The following CDK6 variants were observed in gnomAD, a reference collection of about 807,000 sequenced individuals.
CDK6 encodes cyclin-dependent kinase 6.
A neutral mutation model predicts 37.1 loss-of-function variants in CDK6; 6 were observed. The ratio of observed to expected loss-of-function variants is 0.16; its 90% CI spans 0.09 to 0.32. The LOEUF is 0.32. CDK6 is among the 10% of genes least tolerant of loss of function. The pLI is 1.00. For missense variants in CDK6, 224 were observed against 418.9 expected, an observed-to-expected ratio of 0.53 and a Z score of 4.06; for synonymous variants, 160 against 161.3, an observed-to-expected ratio of 0.99 and a Z score of 0.06.
At chr7:92,657,140 T>TA (rs1164930895) in intron 5 of CDK6, among the ~76,000 whole-genome samples, 4 of 152,108 alleles carry the variant, frequency 2.6e-5, no homozygotes, top group Non-Finnish European at 2.9e-5. Context: ...ATGTATAAAA[T>TA]AGTGACTGTC....
At chr7:92,715,340 C>T (rs1418136826) in intron 4 of CDK6, among the ~76,000 whole-genome samples, 2 of 152,044 alleles carry the variant, frequency 1.3e-5, no homozygotes, top group African/African-American at 4.8e-5. Flanking sequence ...GTTAAATTTA[C>T]AGCCCCATTT....
chr7:92,706,842 T>C (rs1797978792), intron 4 of CDK6, among the ~76,000 whole-genome samples: 2 of 152,248 alleles, frequency 1.3e-5, no homozygotes. Context: ...ATTTGTGCAT[T>C]CAATTTCCTG....
chr7:92,649,174 G>A (rs1796513641), intron 5 of CDK6, among the ~76,000 whole-genome samples: 2 of 152,126 alleles, frequency 1.3e-5, no homozygotes, highest in South Asian at 2.1e-4. Flanking sequence ...CTTTAAGCTC[G>A]TGTTTCCCAA....
chr7:92,773,104 T>C (rs777217413), intron 3 of CDK6, among the ~76,000 whole-genome samples: 71 of 152,362 alleles, frequency 4.7e-4, no homozygotes, highest in South Asian at 1.4e-3. Flanking sequence ...CAATGTGTCT[T>C]ATTTACTTTG....
At chr7:92,749,016 T>C (rs1043853784) in intron 3 of CDK6, among the ~76,000 whole-genome samples, 12 of 152,070 alleles carry the variant, frequency 7.9e-5, no homozygotes, top group African/African-American at 2.7e-4. Flanking sequence ...CTGACCAACA[T>C]GGTGAAACAC....
rs777587661 is a variant in CDK6 at position 92,606,894 on chromosome 7, C to G, written c.*8246G>C. The stretch of plus-strand genomic sequence containing the variant: ...TCTTAACACATACTGCTCTTCTATA[C>G]CAAACACTTGCCCTTTAACCTTCAG... On this transcript the variant is annotated 3_prime_UTR_variant, in exon 8 of 8. Coordinates refer to ENST00000424848, the MANE Select transcript of CDK6 (RefSeq NM_001145306.2). 4.5e-4 allele frequency: 105 copies of G among 232,852 alleles called. No homozygotes were observed. The highest frequency in any genetic ancestry group is 6.8e-4 in the Non-Finnish European group (80 of 117,882). 14.4% of individuals were successfully genotyped at this position (232,852 alleles called of 1,614,324 possible). A position where few individuals can be genotyped will look rare whatever the true frequency, so the allele number is the denominator to read the frequency against.
chr7:92,765,293 G>A (rs894932171), intron 3 of CDK6, among the ~76,000 whole-genome samples: 8 of 151,924 alleles, frequency 5.3e-5, no homozygotes, highest in African/African-American at 1.5e-4. Flanking sequence ...GTCCCACCCC[G>A]GGGAAGAACA....
chr7:92,676,782 T>C (rs559045262), intron 4 of CDK6, among the ~76,000 whole-genome samples: 5 of 152,244 alleles, frequency 3.3e-5, no homozygotes, highest in Non-Finnish European at 5.9e-5. Flanking sequence ...AAACTAGTGA[T>C]AATTTCACTG....
At chr7:92,641,521 A>G (rs1796304933) in intron 5 of CDK6, among the ~76,000 whole-genome samples, 1 of 152,208 alleles carries the variant, frequency 6.6e-6, no homozygotes, top group Non-Finnish European at 1.5e-5. Context: ...ACTTTCTGGT[A>G]TAACAAGATA....
intron 2 of CDK6, among the ~76,000 whole-genome samples, chr7:92,792,550 T>G (rs565808678): frequency 6.6e-6 from 1 of 152,206 alleles, no homozygotes; most frequent in Admixed American, 6.5e-5. Flanking sequence ...TGACAGAAGA[T>G]TGTACCAATT....
chr7:92,606,240 A>G lies in CDK6; in HGVS notation c.*8900T>C. On this transcript the variant is annotated 3_prime_UTR_variant, in exon 8 of 8. Coordinates refer to ENST00000424848, the MANE Select transcript of CDK6 (RefSeq NM_001145306.2). ...CCACAGCCAAAACTGAATGCTCTGT[A>G]CAATGACTTGGTTTAAAAATCAAGA... 4.3e-6 allele frequency: 1 copy of G among 233,580 alleles called. No individual in the cohort carries two copies. 14.5% of individuals were successfully genotyped at this position (233,580 alleles called of 1,614,324 possible).
At chr7:92,798,515 A>G (rs1240498657) in intron 2 of CDK6, among the ~76,000 whole-genome samples, 18 of 152,220 alleles carry the variant, frequency 1.2e-4, no homozygotes. Context: ...CAGTTAGCAC[A>G]CTAATTTTTA....
chr7:92,638,200 T>C (rs1438856547), intron 5 of CDK6, among the ~76,000 whole-genome samples: 3 of 152,212 alleles, frequency 2.0e-5, no homozygotes, highest in Non-Finnish European at 4.4e-5. Context: ...AAATAAACTT[T>C]TAGTATATCT....
intron 2 of CDK6, among the ~76,000 whole-genome samples, chr7:92,827,934 A>G (rs915300676): frequency 6.6e-6 from 1 of 152,176 alleles, no homozygotes; most frequent in African/African-American, 2.4e-5. Context: ...TTATTATGCC[A>G]TCTAATTTTT....
intron 5 of CDK6, among the ~76,000 whole-genome samples, chr7:92,663,970 T>C (rs1796896304): frequency 6.6e-6 from 1 of 151,090 alleles, no homozygotes; most frequent in Admixed American, 6.6e-5. Context: ...TGAAACCCCG[T>C]CTCTACTAAA....
intron 2 of CDK6, among the ~76,000 whole-genome samples, chr7:92,776,623 C>T (rs758393155): frequency 5.9e-5 from 9 of 152,200 alleles, no homozygotes; most frequent in African/African-American, 1.4e-4. Context: ...GAGATGGCAT[C>T]TCATTGTGGT....
intron 2 of CDK6, among the ~76,000 whole-genome samples, chr7:92,798,085 A>G (rs1349069017): frequency 6.6e-6 from 1 of 152,236 alleles, no homozygotes; most frequent in African/African-American, 2.4e-5. Context: ...TTTCAAGTGA[A>G]TTTTGTCAAC....
chr7:92,752,032 T>A (rs1305568115), intron 3 of CDK6, among the ~76,000 whole-genome samples: 1 of 152,184 alleles, frequency 6.6e-6, no homozygotes, highest in Non-Finnish European at 1.5e-5. Context: ...ATGAAAACAG[T>A]CTAATGGGTT....
chr7:92,628,506 T>C (rs1306791783), intron 5 of CDK6, among the ~76,000 whole-genome samples: 2 of 152,118 alleles, frequency 1.3e-5, no homozygotes, highest in East Asian at 1.9e-4. Flanking sequence ...TTGGCTATAA[T>C]TGGAACTCAA....
Sources: gnomAD v4.1 joint callset for allele counts (sites outside exome capture counted in the v4.1 genomes callset) on GRCh38, gnomAD v4.1.1 for gene constraint, MANE v1.5 for transcripts, NCBI Gene and HGNC (gene_info 2026-07-23, HGNC 2026-07-21) for gene names.